FAM200B: variants seen among roughly 807,000 people sequenced by gnomAD.
The protein encoded by FAM200B is zinc finger BED-type containing 11, also known as protein FAM200B.
A neutral mutation model predicts 33.1 loss-of-function variants in FAM200B; 32 were observed. The ratio of observed to expected loss-of-function variants is 0.97; its 90% CI spans 0.73 to 1.30. The LOEUF is 1.30. FAM200B is among the 50% of genes most tolerant of loss of function. FAM200B has a pLI of 0.00. For synonymous variants in FAM200B, 240 were observed against 264.8 expected, an observed-to-expected ratio of 0.91 and a Z score of 0.91; for missense variants, 741 against 754.0, an observed-to-expected ratio of 0.98 and a Z score of 0.20.
the FAM200B span, among the ~76,000 whole-genome samples, chr4:15,658,288 A>C: frequency 6.6e-6 from 1 of 152,214 alleles, no homozygotes; most frequent in Non-Finnish European, 1.5e-5. Flanking sequence ...ACCAGAGTTG[A>C]TCCTTACTGT....
chr4:15,680,720 A>T (rs1273103985), upstream of FAM200B, among the ~76,000 whole-genome samples: 1 of 152,074 alleles, frequency 6.6e-6, no homozygotes, highest in Non-Finnish European at 1.5e-5. Context: ...AAAATTTTTA[A>T]AAATTTGACT....
At position 15,686,906 on chromosome 4, in the gene FAM200B, T is replaced by C; in HGVS notation, c.-72T>C. 1 of 760,144 alleles carries C rather than the reference T, an allele frequency of 1.3e-6. No individual in the cohort carries two copies. The highest frequency in any genetic ancestry group is 2.0e-6 in the Non-Finnish European group (1 of 500,548). 47.1% of individuals were successfully genotyped at this position (760,144 alleles called of 1,614,324 possible). A position where few individuals can be genotyped will look rare whatever the true frequency, so the allele number is the denominator to read the frequency against. ...TTGAAAAGATGTTATTTAGACTGTATATTTTTTTCTTCTTTTTTGAGTTAG... is the reference window on the plus strand; with the variant it reads ...TTGAAAAGATGTTATTTAGACTGTACATTTTTTTCTTCTTTTTTGAGTTAG... On this transcript the variant is annotated 5_prime_UTR_variant, in exon 2 of 2. Transcript: ENST00000422728.
At chr4:15,684,161 A>G (rs551256840) in intron 1 of FAM200B, among the ~76,000 whole-genome samples, 2 of 152,324 alleles carry the variant, frequency 1.3e-5, no homozygotes, top group South Asian at 2.1e-4. Flanking sequence ...CAGTGTACAC[A>G]TTTATAGGTC....
the FAM200B span, among the ~76,000 whole-genome samples, chr4:15,639,729 A>T: frequency 6.6e-6 from 1 of 152,214 alleles, no homozygotes; most frequent in South Asian, 2.1e-4. Context: ...GCCCTGAAAA[A>T]ATACCCAGGT....
At chr4:15,643,130 T>A in the FAM200B span, among the ~76,000 whole-genome samples, 1 of 152,212 alleles carries the variant, frequency 6.6e-6, no homozygotes, top group Non-Finnish European at 1.5e-5. Context: ...CTCCCTTCTA[T>A]TAATATTACT....
rs573340004 is a variant in FAM200B, at chr4:15,683,199, T to C, written c.-743+1298T>C. Among the ~76,000 whole-genome samples the C allele has an allele frequency of 2.6e-4, 40 of 152,320 alleles. No individual in the cohort carries two copies. The South Asian group carries it at 5.4e-3, about 20-fold the overall frequency. ...AACATTTTCCTAGTCCATCATATTA[T>C]CACATTCCTTAACAATTATTAATAT... On this transcript the variant is annotated intron_variant, in intron 1 of 1. Coordinates refer to ENST00000422728, the MANE Select transcript of FAM200B (RefSeq NM_001145191.2).
chr4:15,657,715 G>A, the FAM200B span, among the ~76,000 whole-genome samples: 1 of 152,232 alleles, frequency 6.6e-6, no homozygotes, highest in Non-Finnish European at 1.5e-5. Flanking sequence ...GCTGAATTAT[G>A]TAGCAATTAA....
the FAM200B span, among the ~76,000 whole-genome samples, chr4:15,639,086 C>T: frequency 6.6e-6 from 1 of 152,220 alleles, no homozygotes; most frequent in Non-Finnish European, 1.5e-5. Context: ...ATCACTTGAA[C>T]CTGGGAGGCA....
At position 15,687,879 on chromosome 4, in the gene FAM200B, C is replaced by T. The variant is rs1416639952; in HGVS notation, c.902C>T (p.Thr301Ile). 6.4e-7 allele frequency: 1 copy of T among 1,551,076 alleles called. No homozygotes were observed. Among genetic ancestry groups the T allele is most frequent in the Non-Finnish European group, 8.7e-7 (1 of 1,146,646 alleles). The stretch of plus-strand genomic sequence containing the variant: ...GGAATTACAAGTGATGGCACAGCAA[C>T]CATGACTGGAAAACATAGCAGAGTA... ...CKGITSDGTA[T>I]MTGKHSRVIK... The change falls in exon 2 of 2, where the codon ACC becomes ATC. Residue 301 changes from threonine (T) to isoleucine (I), a missense_variant. Physicochemically the swap from Thr to Ile is moderately conservative, Grantham distance 89 (BLOSUM62 -1). Coordinates refer to ENST00000422728, the MANE Select transcript of FAM200B (RefSeq NM_001145191.2).
chr4:15,641,842 C>T, the FAM200B span, among the ~76,000 whole-genome samples: 6 of 151,990 alleles, frequency 3.9e-5, no homozygotes, highest in East Asian at 7.7e-4. Context: ...GCCAGCCCAA[C>T]GCGGCGAAAC....
At chr4:15,666,002 T>G in the FAM200B span, among the ~76,000 whole-genome samples, 1 of 150,284 alleles carries the variant, frequency 6.7e-6, no homozygotes, top group Non-Finnish European at 1.5e-5. Context: ...TTGCCTCAAT[T>G]TCCTACTGAC....
At chr4:15,650,891 A>G in the FAM200B span, among the ~76,000 whole-genome samples, 1 of 152,012 alleles carries the variant, frequency 6.6e-6, no homozygotes, top group Non-Finnish European at 1.5e-5. Context: ...TCGGCCTCCC[A>G]AAGTGCTGGG....
chr4:15,639,710 A>C, the FAM200B span, among the ~76,000 whole-genome samples: 1 of 152,222 alleles, frequency 6.6e-6, no homozygotes, highest in Non-Finnish European at 1.5e-5. Context: ...TATTACAATG[A>C]GTTGGGGGGC....
chr4:15,681,826 C>T, upstream of FAM200B: 1 of 152,856 alleles, frequency 6.5e-6, no homozygotes, highest in Non-Finnish European at 1.5e-5. Flanking sequence ...GTGGGGAGAG[C>T]AGAGGCGCAG....
At chr4:15,678,055 G>A (rs1718060955), upstream of FAM200B, among the ~76,000 whole-genome samples, 1 of 152,100 alleles carries the variant, frequency 6.6e-6, no homozygotes, top group Non-Finnish European at 1.5e-5. Context: ...ATGGGCGGGT[G>A]GGTGTGTTTC....
At chr4:15,679,259 C>CTACTAA (rs1169735596), upstream of FAM200B, among the ~76,000 whole-genome samples, 1 of 152,040 alleles carries the variant, frequency 6.6e-6, no homozygotes, top group East Asian at 1.9e-4. Context: ...GACAGGGTTT[C>CTACTAA]ACCATGTTGG....
the FAM200B span, chr4:15,640,750 G>A: frequency 3.6e-6 from 4 of 1,107,754 alleles, no homozygotes; most frequent in East Asian, 1.0e-4. Flanking sequence ...TTTTAAGAAT[G>A]TTATAAATCT....
chr4:15,657,395 A>G, the FAM200B span, among the ~76,000 whole-genome samples: 1,470 of 152,332 alleles, frequency 9.6e-3, 19 homozygotes, highest in African/African-American at 0.033. Context: ...CATTTTTACT[A>G]ATGTTTAATA....
the FAM200B span, among the ~76,000 whole-genome samples, chr4:15,672,953 C>A: frequency 6.6e-6 from 1 of 151,974 alleles, no homozygotes; most frequent in South Asian, 2.1e-4. Context: ...TAGACTTACA[C>A]AGGGTCACAA....
Sources: gnomAD v4.1 joint callset for allele counts (sites outside exome capture counted in the v4.1 genomes callset) on GRCh38, gnomAD v4.1.1 for gene constraint, MANE v1.5 for transcripts, NCBI Gene and HGNC (gene_info 2026-07-23, HGNC 2026-07-21) for gene names.